Variants in ZNF90 observed in about 807,000 individuals in gnomAD.
ZNF90 encodes the protein zinc finger protein 90, also known as zinc finger protein HTF9.
ZNF90 carries 11 observed loss-of-function variants against 12.0 expected under a neutral mutation model. The ratio of observed to expected loss-of-function variants is 0.92; its 90% confidence interval spans 0.58 to 1.52. The LOEUF is 1.52. Among genes scored for constraint, ZNF90 ranks in the 40% most tolerant of loss-of-function variants. ZNF90 has a pLI of 0.00. For synonymous variants in ZNF90, 232 were observed against 240.1 expected (o/e 0.97, Z 0.31); for missense variants, 765 against 711.5 (o/e 1.08, Z -0.86).
At chr19:20,115,874 T>A (rs183961330) in intron 3 of ZNF90, among the ~76,000 whole-genome samples, 1 of 152,304 alleles carries the variant, frequency 6.6e-6, no homozygotes, top group East Asian at 1.9e-4. Flanking sequence ...TATGTTTTAT[T>A]TATTTCTGTA....
intron 1 of ZNF90, among the ~76,000 whole-genome samples, chr19:20,085,093 T>C (rs1376148766): frequency 1.3e-5 from 2 of 152,164 alleles, no homozygotes; most frequent in African/African-American, 2.4e-5. Flanking sequence ...TTGATTTTTG[T>C]AAATCAAAAT....
At position 20,119,299 on chromosome 19, in the gene ZNF90, C is replaced by T. The variant is rs1555706309; in HGVS notation, c.1745C>T (p.Thr582Ile). The change falls in exon 4 of 4, where the codon ACA becomes ATA. Residue 582 changes from threonine to isoleucine, a missense_variant. Physicochemically the swap from Thr to Ile is moderately conservative, Grantham distance 89. Coordinates refer to ENST00000418063, the MANE Select transcript of ZNF90 (RefSeq NM_007138.2). ...TTTAACTTGTCCTCAGACCTTAATACACATAAGAGGATTCATATTGGACAG... is the reference window on the plus strand; with the variant it reads ...TTTAACTTGTCCTCAGACCTTAATATACATAAGAGGATTCATATTGGACAG... Reference protein sequence around the residue: ...KAFNLSSDLNTHKRIHIGQKA... With the variant: ...KAFNLSSDLNIHKRIHIGQKA... The T allele has an allele frequency of 6.2e-7, 1 of 1,611,440 alleles. No individual in the cohort carries two copies.
In ZNF90 at chr19:20,105,246, G is replaced by C. The variant is rs782103613; in HGVS notation, c.156G>C (p.Leu52=). ...FLGIVVTKPD[L]ITCLEQGKKP... ...GTATTGTTGTCACTAAGCCAGACCT[G>C]ATCACCTGTCTGGAGCAAGGAAAAA... Residue 52 remains leucine (L), a synonymous_variant, in exon 3 of 4, where the codon CTG becomes CTC. Transcript: ENST00000418063. 1.1e-5 allele frequency: 17 copies of C among 1,606,134 alleles called. No homozygotes were observed. The East Asian group carries it at 2.5e-4, about 23-fold the overall frequency.
intron 1 of ZNF90, among the ~76,000 whole-genome samples, chr19:20,089,007 G>A (rs1437563202): frequency 6.6e-6 from 1 of 152,198 alleles, no homozygotes; most frequent in Non-Finnish European, 1.5e-5. Flanking sequence ...TTAGCAGGTA[G>A]ACACATGTAG....
At chr19:20,103,153 C>G (rs1568287984) in intron 1 of ZNF90, among the ~76,000 whole-genome samples, 1 of 152,056 alleles carries the variant, frequency 6.6e-6, no homozygotes, top group Admixed American at 6.5e-5. Context: ...CTGTGAAGGC[C>G]CAGAGCTCTG....
intron 3 of ZNF90, chr19:20,107,188 A>T (rs1194499154): frequency 2.8e-6 from 1 of 360,658 alleles, no homozygotes; most frequent in African/African-American, 2.1e-5. Flanking sequence ...GTAAAGGCCA[A>T]TGTCTTCATG....
intron 1 of ZNF90, among the ~76,000 whole-genome samples, chr19:20,079,086 T>C (rs940307910): frequency 5.2e-4 from 67 of 128,766 alleles, no homozygotes; most frequent in African/African-American, 2.0e-3. Context: ...TCCATCGCGC[T>C]CCAGCATGCG....
At chr19:20,113,530 T>TA (rs1320579051) in intron 3 of ZNF90, among the ~76,000 whole-genome samples, 2 of 150,792 alleles carry the variant, frequency 1.3e-5, no homozygotes, top group Non-Finnish European at 3.0e-5. Context: ...TGAGTAGTCA[T>TA]AAAAACTCTC....
chr19:20,097,269 A>ATTGG (rs2088955985), intron 1 of ZNF90, among the ~76,000 whole-genome samples: 1 of 152,206 alleles, frequency 6.6e-6, no homozygotes, highest in Non-Finnish European at 1.5e-5. Context: ...CATGATATAA[A>ATTGG]CACATAAGGT....
chr19:20,088,984 T>C (rs2122483310), intron 1 of ZNF90, among the ~76,000 whole-genome samples: 1 of 152,312 alleles, frequency 6.6e-6, no homozygotes, highest in South Asian at 2.1e-4. Context: ...CTAGTGTACA[T>C]GTGCCTGTCC....
At chr19:20,091,052 C>T (rs868978949) in intron 1 of ZNF90, among the ~76,000 whole-genome samples, 39 of 152,224 alleles carry the variant, frequency 2.6e-4, no homozygotes, top group Middle Eastern at 3.4e-3. Context: ...AAGGCCAAAC[C>T]GAGGAATTAT....
intron 3 of ZNF90, among the ~76,000 whole-genome samples, chr19:20,106,044 C>CTTTTTTTTTTTTTTTT (rs56933917): frequency 1.3e-4 from 9 of 71,040 alleles, no homozygotes; most frequent in South Asian, 5.2e-4. Context: ...CTAATTTTTT[C>CTTTTTTTTTTTTTTTT]TTTTTTTTTT....
intron 1 of ZNF90, among the ~76,000 whole-genome samples, chr19:20,101,201 G>T (rs2122502151): frequency 1.3e-5 from 2 of 152,298 alleles, no homozygotes; most frequent in Middle Eastern, 6.8e-3. Flanking sequence ...GCTCGCCATT[G>T]TTCCTGCATG....
At chr19:20,079,115 CAAAAAAAA>C (rs139573879) in intron 1 of ZNF90, among the ~76,000 whole-genome samples, 1 of 68,776 alleles carries the variant, frequency 1.5e-5, no homozygotes, top group Non-Finnish European at 3.5e-5. Context: ...GGAGAGTCCT[CAAAAAAAA>C]AAAAAAAAAA....
rs1158348768 is a variant in ZNF90 at position 20,119,334 on chromosome 19, A to G, written c.1780A>G (p.Ile594Val). The change falls in exon 4 of 4, where the codon ATA becomes GTA. Residue 594 changes from isoleucine to valine, a missense_variant. By Grantham distance (29) the Ile-to-Val change is conservative. Transcript: ENST00000418063. ...GATTCATATTGGACAGAAAGCCTAC[A>G]TAGTGAAGAACATGGCAAATCTTTG... ...KRIHIGQKAY[I>V]VKNMANL is the part of the protein sequence containing the mutation. The G allele has an allele frequency of 3.8e-6, 6 of 1,597,114 alleles. No individual in the cohort carries two copies. Among genetic ancestry groups the G allele is most frequent in the Non-Finnish European group, 4.3e-6 (5 of 1,171,456 alleles).
At chr19:20,085,609 CTTT>C (rs1568282487) in intron 1 of ZNF90, among the ~76,000 whole-genome samples, 2 of 152,176 alleles carry the variant, frequency 1.3e-5, no homozygotes, top group African/African-American at 4.8e-5. Flanking sequence ...ATCTTTCTCT[CTTT>C]TGGTTTTTCC....
At chr19:20,113,165 G>T (rs1327102866) in intron 3 of ZNF90, among the ~76,000 whole-genome samples, 1 of 151,644 alleles carries the variant, frequency 6.6e-6, no homozygotes, top group Non-Finnish European at 1.5e-5. Context: ...TAGGTTTGTT[G>T]TAACGGTTTT....
intron 1 of ZNF90, among the ~76,000 whole-genome samples, chr19:20,082,570 G>T (rs147847346): frequency 0.015 from 2,272 of 152,288 alleles, 52 homozygotes; most frequent in African/African-American, 0.052. Flanking sequence ...CTTGAAGGCA[G>T]CATGCTTGTT....
At chr19:20,112,434 G>C (rs1159566061) in intron 3 of ZNF90, among the ~76,000 whole-genome samples, 2 of 151,950 alleles carry the variant, frequency 1.3e-5, no homozygotes, top group African/African-American at 2.4e-5. Flanking sequence ...CAATTCTCTT[G>C]CCTCAGCGTC....
Sources: allele counts gnomAD v4.1 joint callset (sites outside exome capture counted in the v4.1 genomes callset), GRCh38; gene constraint gnomAD v4.1.1; transcripts MANE v1.5; gene names NCBI Gene and HGNC (gene_info 2026-07-23, HGNC 2026-07-21).